MGAT4C: variants seen among roughly 807,000 people sequenced by gnomAD.
The protein encoded by MGAT4C is MGAT4 family member C, also known as alpha-1,3-mannosyl-glycoprotein 4-beta-N-acetylglucosaminyltransferase C.
MGAT4C carries 19 observed loss-of-function variants against 40.1 expected under a neutral mutation model. The ratio of observed to expected loss-of-function variants is 0.47; its 90% CI spans 0.33 to 0.70. MGAT4C has a LOEUF of 0.70. MGAT4C is among the 30% of genes least tolerant of loss of function. MGAT4C has a pLI of 0.02. For missense variants in MGAT4C, 491 were observed against 563.2 expected (o/e 0.87, Z 1.30); for synonymous variants, 181 against 187.1 (o/e 0.97, Z 0.27).
At chr12:86,574,748 G>C (rs1228529490) in intron 2 of MGAT4C, among the ~76,000 whole-genome samples, 1 of 151,648 alleles carries the variant, frequency 6.6e-6, no homozygotes, top group Admixed American at 6.6e-5. Context: ...GTGTGTGCCA[G>C]GCAAGTATAT....
chr12:86,118,985 T>C (rs1209247355), intron 1 of MGAT4C, among the ~76,000 whole-genome samples: 1 of 152,074 alleles, frequency 6.6e-6, no homozygotes, highest in African/African-American at 2.4e-5. Flanking sequence ...CAAAATTGGA[T>C]GCATCATATT....
At chr12:86,831,326 G>A (rs1353269910) in intron 1 of MGAT4C, among the ~76,000 whole-genome samples, 2 of 151,736 alleles carry the variant, frequency 1.3e-5, no homozygotes, top group Non-Finnish European at 2.9e-5. Flanking sequence ...GGGTGTCAGA[G>A]AGCTACGAGA....
At chr12:86,273,740 T>G (rs1427296628) in intron 4 of MGAT4C, among the ~76,000 whole-genome samples, 2 of 152,132 alleles carry the variant, frequency 1.3e-5, no homozygotes, top group Non-Finnish European at 2.9e-5. Flanking sequence ...TGCCAGTGTA[T>G]ACACTGCATA....
At chr12:85,996,273 G>A (rs780779684) in intron 2 of MGAT4C, among the ~76,000 whole-genome samples, 1 of 152,112 alleles carries the variant, frequency 6.6e-6, no homozygotes. Context: ...TTTAAGGAGA[G>A]AAATGAAATA....
chr12:86,228,792 T>C (rs1951201464), intron 1 of MGAT4C, among the ~76,000 whole-genome samples: 1 of 151,968 alleles, frequency 6.6e-6, no homozygotes, highest in South Asian at 2.1e-4. Context: ...AGTACTTAGA[T>C]ATTAACTACA....
At chr12:86,745,589 C>T (rs967695485) in intron 1 of MGAT4C, among the ~76,000 whole-genome samples, 8 of 151,498 alleles carry the variant, frequency 5.3e-5, no homozygotes, top group African/African-American at 1.7e-4. Flanking sequence ...TATATGAATG[C>T]CAGAAACATT....
chr12:86,105,716 A>C (rs1161897888), intron 1 of MGAT4C, among the ~76,000 whole-genome samples: 1 of 152,170 alleles, frequency 6.6e-6, no homozygotes, highest in Admixed American at 6.5e-5. Flanking sequence ...TTTACGATTC[A>C]ATTCAGTGAG....
chr12:86,411,821 G>A (rs947142218), intron 3 of MGAT4C, among the ~76,000 whole-genome samples: 22 of 152,138 alleles, frequency 1.4e-4, no homozygotes, highest in Admixed American at 3.9e-4. Context: ...TCATAGGCCC[G>A]GAGGACTAGG....
chr12:86,358,881 C>G (rs150854695), intron 3 of MGAT4C, among the ~76,000 whole-genome samples: 13,907 of 152,132 alleles, frequency 0.091, 797 homozygotes, highest in Middle Eastern at 0.22. Flanking sequence ...AATAATAGGA[C>G]ACTTTAACAC....
At chr12:86,374,576 C>T (rs1158322562) in intron 3 of MGAT4C, among the ~76,000 whole-genome samples, 1 of 152,096 alleles carries the variant, frequency 6.6e-6, no homozygotes, top group African/African-American at 2.4e-5. Flanking sequence ...TTATAGGCAT[C>T]TTACAAGATG....
intron 2 of MGAT4C, among the ~76,000 whole-genome samples, chr12:86,438,716 G>A (rs1416425819): frequency 6.6e-6 from 1 of 151,738 alleles, no homozygotes; most frequent in Admixed American, 6.6e-5. Flanking sequence ...AAATAATGCT[G>A]TCTTCAAGAC....
intron 2 of MGAT4C, among the ~76,000 whole-genome samples, chr12:86,544,713 GAATGGCTTGCT>G (rs1216810851): frequency 6.6e-6 from 1 of 152,052 alleles, no homozygotes; most frequent in East Asian, 1.9e-4. Flanking sequence ...GTGGAACAGG[GAATGGCTTGCT>G]ATAAATAAGA....
At chr12:86,018,476 G>T (rs927756739) in intron 2 of MGAT4C, among the ~76,000 whole-genome samples, 2 of 152,018 alleles carry the variant, frequency 1.3e-5, no homozygotes, top group African/African-American at 2.4e-5. Context: ...TGTCCAATTT[G>T]TTTTTTTACT....
intron 4 of MGAT4C, among the ~76,000 whole-genome samples, chr12:86,300,834 A>G (rs1233956247): frequency 6.6e-6 from 1 of 152,146 alleles, no homozygotes; most frequent in Admixed American, 6.5e-5. Flanking sequence ...AATGGGAGCT[A>G]CTGAGAGATA....
At chr12:86,070,067 C>T (rs11117181) in intron 1 of MGAT4C, among the ~76,000 whole-genome samples, 13,579 of 151,626 alleles carry the variant, frequency 0.09, 1,362 homozygotes, top group African/African-American at 0.25. Flanking sequence ...TATGAGGTCC[C>T]GATGTAGGAA....
intron 2 of MGAT4C, among the ~76,000 whole-genome samples, chr12:86,669,386 T>C (rs1964195959): frequency 6.6e-6 from 1 of 152,076 alleles, no homozygotes; most frequent in Non-Finnish European, 1.5e-5. Context: ...TTTGCCTCGT[T>C]CAGCAGCCTG....
At chr12:86,244,347 G>C (rs1951925321) in intron 1 of MGAT4C, among the ~76,000 whole-genome samples, 1 of 152,116 alleles carries the variant, frequency 6.6e-6, no homozygotes, top group South Asian at 2.1e-4. Context: ...AGACAGACAG[G>C]GATTAGTGAA....
intron 2 of MGAT4C, among the ~76,000 whole-genome samples, chr12:86,707,023 T>C (rs1397101015): frequency 6.6e-6 from 1 of 152,214 alleles, no homozygotes; most frequent in East Asian, 1.9e-4. Flanking sequence ...TTGCTCCTCC[T>C]TGCCTTCTGC....
intron 3 of MGAT4C, among the ~76,000 whole-genome samples, chr12:86,425,801 G>A (rs1430527222): frequency 6.6e-6 from 1 of 151,988 alleles, no homozygotes; most frequent in African/African-American, 2.4e-5. Context: ...AATATCTTGG[G>A]TATTTCCAAG....
Sources: allele counts gnomAD v4.1 joint callset (sites outside exome capture counted in the v4.1 genomes callset), GRCh38; gene constraint gnomAD v4.1.1; transcripts MANE v1.5; gene names NCBI Gene and HGNC (gene_info 2026-07-23, HGNC 2026-07-21).